The following GLDC variants were observed in gnomAD, a reference collection of about 807,000 sequenced individuals.
GLDC encodes the protein glycine dehydrogenase (decarboxylating), mitochondrial.
In GLDC, 104 loss-of-function variants were observed where a neutral mutation model predicts 121.3. That is an observed-to-expected ratio of 0.86 (90% CI 0.73 to 1.01). The LOEUF is 1.01. Among genes scored for constraint, GLDC ranks in the 50% least tolerant of loss-of-function variants. The pLI is 0.00. For synonymous variants in GLDC, 546 were observed against 480.6 expected (o/e 1.14, Z -1.78); for missense variants, 1,429 against 1,306.6 (o/e 1.09, Z -1.44).
chr9:6,602,298 G>GTGCATTTGC, intron 7 of GLDC, 93 bp from the exon 8 acceptor site: 1 of 827,358 alleles, frequency 1.2e-6, no homozygotes, highest in Non-Finnish European at 2.1e-6. Flanking sequence ...CCAGCTTGAA[G>GTGCATTTGC]TGAATTCAGC....
At chr9:6,556,058 C>G (rs542131572) in intron 18 of GLDC, 95 bp downstream of exon 18, 40 of 1,051,788 alleles carry the variant, frequency 3.8e-5, no homozygotes, top group Non-Finnish European at 5.6e-5. Context: ...TGAGTTCCCT[C>G]AGGCAGGAAG....
intron 2 of GLDC, among the ~76,000 whole-genome samples, chr9:6,624,553 T>G (rs1207927021): frequency 6.6e-6 from 1 of 151,970 alleles, no homozygotes; most frequent in East Asian, 1.9e-4. Flanking sequence ...GAACTGGGAG[T>G]GAACAGGTTC....
Position 6,620,239 on chromosome 9 carries a change from A to AAT in GLDC, c.413_414dup (p.Tyr139IlefsTer93), listed in dbSNP as rs1446804135. ...ATCGTCTGTGGCACTGAGCAGTTAT[A>AAT]ATAGCCCATGCCAATATACGATCTC... On this transcript the variant is annotated frameshift_variant, in exon 3 of 25. Coordinates refer to ENST00000321612, the MANE Select transcript of GLDC (RefSeq NM_000170.3). LOFTEE classifies it high-confidence loss of function. 6.2e-7 allele frequency: 1 copy of AAT among 1,613,480 alleles called. No homozygotes were observed. The highest frequency in any genetic ancestry group is 8.5e-7 in the Non-Finnish European group (1 of 1,179,524).
intron 14 of GLDC, 90 bp from the exon 15 acceptor site, chr9:6,587,373 G>C: frequency 1.0e-6 from 1 of 1,004,734 alleles, no homozygotes; most frequent in Non-Finnish European, 1.6e-6. Flanking sequence ...GATGAGAAAA[G>C]CTATGTGCCA....
At chr9:6,617,598 G>C (rs1042628636) in intron 3 of GLDC, among the ~76,000 whole-genome samples, 4 of 152,180 alleles carry the variant, frequency 2.6e-5, no homozygotes, top group Non-Finnish European at 5.9e-5. Context: ...AGACGCTACA[G>C]AGAAACTAGT....
intron 15 of GLDC, among the ~76,000 whole-genome samples, chr9:6,578,910 A>G (rs1818124254): frequency 6.6e-6 from 1 of 152,132 alleles, no homozygotes; most frequent in Non-Finnish European, 1.5e-5. Context: ...TAATTTCCAC[A>G]TATTTGTGAA....
At position 6,587,224 on chromosome 9, in the gene GLDC, T is replaced by C. The variant is rs372596473; in HGVS notation, c.1767A>G (p.Gln589=). The C allele has an allele frequency of 4.3e-6, 7 of 1,613,824 alleles. No individual in the cohort carries two copies. In the African/African-American group the frequency reaches 9.3e-5, roughly 22 times the overall value. ...GCTCTCGGAAAAGCTGCTGATATCC[T>C]TGAGCTTGATCCAGAGGCACAAAGG... is the stretch of plus-strand genomic sequence containing the variant. The part of the protein sequence containing the change: ...IHPFVPLDQA[Q]GYQQLFRELE... Residue 589 remains glutamine (Q), a synonymous_variant, in exon 15 of 25, where the codon CAA becomes CAG. Coordinates refer to ENST00000321612, the MANE Select transcript of GLDC (RefSeq NM_000170.3).
At chr9:6,556,095 T>G in intron 18 of GLDC, 58 bp downstream of exon 18, 2 of 1,489,288 alleles carry the variant, frequency 1.3e-6, no homozygotes, top group Non-Finnish European at 1.9e-6. Flanking sequence ...AATTTTTTTT[T>G]TTTTCCACAT....
chr9:6,592,004 G>C, intron 11 of GLDC, 139 bp downstream of exon 11: 1 of 700,312 alleles, frequency 1.4e-6, no homozygotes, highest in Admixed American at 2.0e-5. Flanking sequence ...ACTAGCAAGG[G>C]ATAGTCAGTG....
chr9:6,555,023 G>C (rs936235295), intron 18 of GLDC: 1 of 575,700 alleles, frequency 1.7e-6, no homozygotes, highest in Non-Finnish European at 3.1e-6. Context: ...GTCCAATTTA[G>C]ATTTAAAAAT....
intron 3 of GLDC, among the ~76,000 whole-genome samples, chr9:6,615,649 C>A (rs1818954438): frequency 6.6e-6 from 1 of 151,978 alleles, no homozygotes; most frequent in Non-Finnish European, 1.5e-5. Flanking sequence ...GTCTAACTGT[C>A]ACCCAGGCTG....
rs1817682953 is a variant in GLDC, at chr9:6,558,579, C to T, written c.2032G>A (p.Ala678Thr). ...AGTACCATGGCCTTGAGGTGAACTG[C>T]ATCGATATTCCCATATTTATCCACC... ...VEVDKYGNIDAVHLKAMVDKH... is the reference protein window; with the variant it reads ...VEVDKYGNIDTVHLKAMVDKH... Residue 678 changes from alanine (A) to threonine (T), a missense_variant, in exon 17 of 25, where the codon GCA (alanine) becomes ACA (threonine). Ala to Thr is a moderately conservative substitution (Grantham distance 58, BLOSUM62 0). Coordinates refer to ENST00000321612, the MANE Select transcript of GLDC (RefSeq NM_000170.3). The T allele has an allele frequency of 6.2e-7, 1 of 1,614,200 alleles. No individual in the cohort carries two copies. Among genetic ancestry groups the T allele is most frequent in the Non-Finnish European group, 8.5e-7 (1 of 1,180,028 alleles).
chr9:6,644,089 T>A (rs1330632008), intron 2 of GLDC, among the ~76,000 whole-genome samples: 1 of 129,174 alleles, frequency 7.7e-6, no homozygotes, highest in African/African-American at 3.0e-5. Flanking sequence ...CCATTCGGAC[T>A]CGAAAAGTAC....
At chr9:6,640,200 T>C (rs143473976) in intron 2 of GLDC, among the ~76,000 whole-genome samples, 46 of 152,392 alleles carry the variant, frequency 3.0e-4, no homozygotes, top group Middle Eastern at 3.4e-3. Flanking sequence ...TTCTCTCATT[T>C]AGCTAATCTT....
At chr9:6,593,145 A>G in intron 9 of GLDC, 155 bp from the exon 10 acceptor site, 1 of 706,400 alleles carries the variant, frequency 1.4e-6, no homozygotes, top group East Asian at 2.7e-5. Context: ...AAACATGTTT[A>G]TTATCATGCT....
At chr9:6,553,613 C>T in intron 19 of GLDC, 104 bp from the exon 20 acceptor site, 2 of 1,100,530 alleles carry the variant, frequency 1.8e-6, no homozygotes, top group Non-Finnish European at 1.4e-6. Flanking sequence ...AGCAGAGGAG[C>T]TCTGACAGTG....
chr9:6,606,741 A>C (rs1052241603), intron 4 of GLDC, 72 bp from the exon 5 acceptor site: 5 of 913,050 alleles, frequency 5.5e-6, no homozygotes, highest in Non-Finnish European at 9.3e-6. Context: ...AACGCAAAGC[A>C]AACATAGTAC....
intron 2 of GLDC, among the ~76,000 whole-genome samples, chr9:6,625,347 G>A (rs750246333): frequency 6.6e-6 from 1 of 152,288 alleles, no homozygotes; most frequent in African/African-American, 2.4e-5. Context: ...CAAGCAGCAC[G>A]GCTGAGAGAA....
At position 6,633,089 on chromosome 9, in the gene GLDC, A is replaced by G. The variant is rs1963436; in HGVS notation, c.334+11525T>C. Reference sequence around the variant, plus strand: ...CAGCCTTCCTGTCTCTCATGCAGAGAGATCGTCAGAAATGCAGCCCCTCAA... The same window carrying G: ...CAGCCTTCCTGTCTCTCATGCAGAGGGATCGTCAGAAATGCAGCCCCTCAA... On this transcript the variant is annotated intron_variant, in intron 2 of 24. Transcript: ENST00000321612. Among the ~76,000 whole-genome samples, 1,477 of 152,178 alleles carry G rather than the reference A, an allele frequency of 9.7e-3. 21 individuals are homozygous for G. The highest frequency in any genetic ancestry group is 0.029 in the African/African-American group (1,212 of 41,524).
Sources: gnomAD v4.1 joint callset for allele counts (sites outside exome capture counted in the v4.1 genomes callset) on GRCh38, gnomAD v4.1.1 for gene constraint, MANE v1.5 for transcripts, NCBI Gene and HGNC (gene_info 2026-07-23, HGNC 2026-07-21) for gene names.